EHBP1: variants seen among roughly 807,000 people sequenced by gnomAD.
EHBP1 encodes the protein EH domain-binding protein 1.
EHBP1 carries 55 observed loss-of-function variants against 144.0 expected under a neutral mutation model. That is an observed-to-expected ratio of 0.38 (90% CI 0.31 to 0.48). The LOEUF (loss-of-function observed/expected upper bound fraction) is 0.48. EHBP1 is among the 20% of genes least tolerant of loss of function. EHBP1 has a pLI of 0.98. For synonymous variants in EHBP1, 469 were observed against 472.7 expected, an observed-to-expected ratio of 0.99 and a Z score of 0.10; for missense variants, 1,200 against 1,364.2, an observed-to-expected ratio of 0.88 and a Z score of 1.90.
intron 10 of EHBP1, among the ~76,000 whole-genome samples, chr2:62,894,694 G>A (rs1281245731): frequency 6.6e-6 from 1 of 152,144 alleles, no homozygotes; most frequent in African/African-American, 2.4e-5. Context: ...GGACTTTATT[G>A]TGTAGACAGT....
intron 19 of EHBP1, among the ~76,000 whole-genome samples, chr2:63,011,199 G>A (rs999542200): frequency 2.4e-4 from 35 of 148,252 alleles, no homozygotes; most frequent in Admixed American, 1.4e-3. Flanking sequence ...GGCACGTTGA[G>A]AAAAGAAGTT....
intron 3 of EHBP1, among the ~76,000 whole-genome samples, chr2:62,753,325 T>C (rs1192869036): frequency 6.6e-6 from 1 of 152,222 alleles, no homozygotes; most frequent in Non-Finnish European, 1.5e-5. Context: ...TGTTGAATAT[T>C]GGCCCCCACT....
At chr2:62,954,574 A>C (rs1039921502) in intron 13 of EHBP1, among the ~76,000 whole-genome samples, 10 of 152,160 alleles carry the variant, frequency 6.6e-5, no homozygotes, top group Non-Finnish European at 1.3e-4. Flanking sequence ...TTATAGAAAA[A>C]AAGGCTTTAA....
At chr2:62,710,571 ACT>A (rs774428668) in intron 2 of EHBP1, among the ~76,000 whole-genome samples, 80 of 151,872 alleles carry the variant, frequency 5.3e-4, no homozygotes, top group Non-Finnish European at 7.4e-4. Context: ...ATGGTTCAAA[ACT>A]CTAGAGGTAC....
chr2:62,993,746 GTA>G (rs1287447003), intron 17 of EHBP1, 78 bp downstream of exon 17: 147 of 647,756 alleles, frequency 2.3e-4, no homozygotes, highest in Middle Eastern at 5.0e-4. Context: ...TATATATATA[GTA>G]TATATATATA....
chr2:62,765,981 A>AT, intron 4 of EHBP1, among the ~76,000 whole-genome samples: 1 of 152,186 alleles, frequency 6.6e-6, no homozygotes, highest in Admixed American at 6.6e-5. Flanking sequence ...TATTAAGTAT[A>AT]TTTTTTCCAC....
chr2:62,910,859 A>G (rs1039947909), intron 10 of EHBP1, among the ~76,000 whole-genome samples: 1 of 152,178 alleles, frequency 6.6e-6, no homozygotes, highest in African/African-American at 2.4e-5. Flanking sequence ...CTTCCACTTA[A>G]TAGGTGCACT....
intron 2 of EHBP1, among the ~76,000 whole-genome samples, chr2:62,727,063 A>G (rs1252596170): frequency 6.6e-6 from 1 of 152,134 alleles, no homozygotes; most frequent in Non-Finnish European, 1.5e-5. Context: ...TGGTTTCACC[A>G]TGTTGGTCAG....
intron 7 of EHBP1, among the ~76,000 whole-genome samples, chr2:62,841,936 C>G (rs187669407): frequency 6.6e-6 from 1 of 152,128 alleles, no homozygotes; most frequent in East Asian, 1.9e-4. Context: ...TTATTGCACA[C>G]AGTTTTGGAA....
intron 19 of EHBP1, among the ~76,000 whole-genome samples, chr2:63,018,695 T>C (rs1380572567): frequency 6.6e-6 from 1 of 152,220 alleles, no homozygotes; most frequent in African/African-American, 2.4e-5. Flanking sequence ...ACCCGTGATA[T>C]TTAGAAAGTA....
At chr2:62,725,550 G>A (rs890949806) in intron 2 of EHBP1, among the ~76,000 whole-genome samples, 8 of 152,216 alleles carry the variant, frequency 5.3e-5, no homozygotes, top group African/African-American at 1.9e-4. Flanking sequence ...AGGGCAGCAG[G>A]GAGTCTGCTG....
chr2:62,952,399 T>C (rs2057438284), intron 13 of EHBP1, among the ~76,000 whole-genome samples: 1 of 152,228 alleles, frequency 6.6e-6, no homozygotes, highest in Non-Finnish European at 1.5e-5. Flanking sequence ...ATATTATTTA[T>C]AATAGATAGT....
chr2:62,804,022 C>T (rs1037712276), intron 5 of EHBP1, among the ~76,000 whole-genome samples: 1 of 152,198 alleles, frequency 6.6e-6, no homozygotes, highest in Non-Finnish European at 1.5e-5. Flanking sequence ...AAGACTTAGA[C>T]TACTGCCTGA....
intron 7 of EHBP1, among the ~76,000 whole-genome samples, chr2:62,836,874 G>T (rs2047305696): frequency 6.6e-6 from 1 of 151,396 alleles, no homozygotes. Flanking sequence ...TGGTGTACCT[G>T]AAAGTGATGG....
intron 10 of EHBP1, among the ~76,000 whole-genome samples, chr2:62,907,401 C>A (rs1245547392): frequency 2.0e-5 from 3 of 152,176 alleles, no homozygotes; most frequent in Non-Finnish European, 4.4e-5. Context: ...ATTTTGAACT[C>A]TCTCTTAATC....
chr2:62,976,771 A>G (rs1381807438), intron 14 of EHBP1, among the ~76,000 whole-genome samples: 1 of 152,026 alleles, frequency 6.6e-6, no homozygotes, highest in South Asian at 2.1e-4. Context: ...TCAACTACCT[A>G]CTAACATCTA....
chr2:62,955,006 G>A (rs1369651315), intron 13 of EHBP1, among the ~76,000 whole-genome samples: 1 of 151,950 alleles, frequency 6.6e-6, no homozygotes, highest in African/African-American at 2.4e-5. Flanking sequence ...GAGCAATGGG[G>A]AAGACTAGTT....
At chr2:62,954,085 T>C (rs1574224723) in intron 13 of EHBP1, among the ~76,000 whole-genome samples, 1 of 152,330 alleles carries the variant, frequency 6.6e-6, no homozygotes, top group South Asian at 2.1e-4. Flanking sequence ...TCTATTTCTA[T>C]CCTTATTTTA....
At chr2:62,886,937 G>T (rs1372495094) in intron 10 of EHBP1, among the ~76,000 whole-genome samples, 1 of 152,082 alleles carries the variant, frequency 6.6e-6, no homozygotes, top group African/African-American at 2.4e-5. Context: ...TGGAATTTTA[G>T]TTGGAATTAG....
Sources: allele counts gnomAD v4.1 joint callset (sites outside exome capture counted in the v4.1 genomes callset), GRCh38; gene constraint gnomAD v4.1.1; transcripts MANE v1.5; gene names NCBI Gene and HGNC (gene_info 2026-07-23, HGNC 2026-07-21).